CIT: variants seen among roughly 807,000 people sequenced by gnomAD.
CIT encodes citron rho-interacting serine/threonine kinase, also known as citron Rho-interacting kinase.
CIT carries 79 observed loss-of-function variants against 272.7 expected under a neutral mutation model. That is an observed-to-expected ratio of 0.29 (90% CI 0.24 to 0.35). The LOEUF is 0.35. CIT is among the 10% of genes least tolerant of loss of function. CIT has a pLI of 1.00. For missense variants in CIT, 1,909 were observed against 2,618.3 expected, an observed-to-expected ratio of 0.73 and a Z score of 5.91; for synonymous variants, 948 against 995.6, an observed-to-expected ratio of 0.95 and a Z score of 0.90.
At chr12:119,699,384 C>G (rs1050455497) in intron 44 of CIT, among the ~76,000 whole-genome samples, 2 of 151,952 alleles carry the variant, frequency 1.3e-5, no homozygotes, top group Non-Finnish European at 2.9e-5. Flanking sequence ...CTAGAGCACA[C>G]AGGACTGGAA....
intron 20 of CIT, among the ~76,000 whole-genome samples, chr12:119,760,415 C>A (rs1166272663): frequency 6.6e-6 from 1 of 151,870 alleles, no homozygotes; most frequent in Admixed American, 6.6e-5. Flanking sequence ...TTGCTTGAGG[C>A]CAGAAGTTTG....
chr12:119,792,629 C>A (rs760323650), intron 10 of CIT, among the ~76,000 whole-genome samples: 5 of 151,980 alleles, frequency 3.3e-5, no homozygotes, highest in Non-Finnish European at 7.4e-5. Context: ...GCCACTGTAC[C>A]CAGCTAATTT....
At chr12:119,759,427 C>T (rs1326378657) in intron 20 of CIT, among the ~76,000 whole-genome samples, 1 of 152,174 alleles carries the variant, frequency 6.6e-6, no homozygotes, top group African/African-American at 2.4e-5. Flanking sequence ...AGGTGGGTCA[C>T]CTGAGGTCAG....
At chr12:119,779,086 G>A (rs1448880335) in intron 13 of CIT, among the ~76,000 whole-genome samples, 1 of 152,122 alleles carries the variant, frequency 6.6e-6, no homozygotes, top group African/African-American at 2.4e-5. Context: ...CAGACATGGT[G>A]GTGAGCACCT....
intron 13 of CIT, among the ~76,000 whole-genome samples, chr12:119,777,900 C>A (rs890792892): frequency 3.9e-5 from 6 of 152,170 alleles, no homozygotes; most frequent in Non-Finnish European, 1.5e-5. Flanking sequence ...AAGTCATGTG[C>A]TCCTAACACA....
At chr12:119,737,967 G>A (rs1000739466) in intron 24 of CIT, among the ~76,000 whole-genome samples, 2 of 152,086 alleles carry the variant, frequency 1.3e-5, no homozygotes, top group African/African-American at 4.8e-5. Flanking sequence ...TATGACATAG[G>A]CAGTAAATTA....
At chr12:119,872,277 C>T (rs1043933191) in intron 2 of CIT, among the ~76,000 whole-genome samples, 1 of 151,920 alleles carries the variant, frequency 6.6e-6, no homozygotes, top group African/African-American at 2.4e-5. Context: ...CCTGTGTCTA[C>T]CCAGCAATTT....
chr12:119,817,103 T>C (rs76644170), intron 9 of CIT, among the ~76,000 whole-genome samples: 2,698 of 152,270 alleles, frequency 0.018, 36 homozygotes, highest in Non-Finnish European at 0.02. Context: ...CGATCCAACA[T>C]TGTCCTTTCC....
At chr12:119,815,066 G>A (rs1182807) in intron 9 of CIT, among the ~76,000 whole-genome samples, 94,744 of 136,210 alleles carry the variant, frequency 0.7, 33,281 homozygotes, top group East Asian at 0.85. Context: ...GGCCCAAAAC[G>A]AATATGTGCG....
chr12:119,752,177 T>C lies in CIT; in HGVS notation c.2777A>G (p.Gln926Arg). Residue 926 changes from glutamine to arginine, a missense_variant, in exon 23 of 48, where the codon CAG becomes CGG. Around this residue, in one of 8 missense-constraint regions of CIT, gnomAD observed 530 missense variants for 822.4 expected, o/e 0.64. Coordinates refer to ENST00000392521, the MANE Select transcript of CIT (RefSeq NM_001206999.2). ...RQLTELQLSL[Q>R]ERESQLTALQ... is the part of the protein sequence containing the mutation. ...GGCTGTCAACTGTGACTCGCGCTCC[T>C]GCAGGGAGAGCTGTAGCTCTGTGAG... The C allele has an allele frequency of 6.2e-7, 1 of 1,612,420 alleles. No homozygotes were observed. Among genetic ancestry groups the C allele is most frequent in the Non-Finnish European group, 8.5e-7 (1 of 1,179,990 alleles).
chr12:119,769,075 CT>C (rs10719345), intron 18 of CIT, among the ~76,000 whole-genome samples: 110,412 of 142,528 alleles, frequency 0.77, 43,117 homozygotes, highest in African/African-American at 0.88. Context: ...GATAATCATC[CT>C]TTTTTTTTTT....
chr12:119,791,217 A>G (rs1271929053), intron 10 of CIT, among the ~76,000 whole-genome samples: 1 of 152,174 alleles, frequency 6.6e-6, no homozygotes, highest in Non-Finnish European at 1.5e-5. Context: ...GACACACTCA[A>G]GAAAAGTGCT....
At position 119,688,121 on chromosome 12, in the gene CIT, C is replaced by A; in HGVS notation, c.*111G>T. 1 of 1,226,560 alleles carries A rather than the reference C, an allele frequency of 8.2e-7. No homozygotes were observed. The highest frequency in any genetic ancestry group is 1.2e-6 in the Non-Finnish European group (1 of 829,964). 76.0% of individuals were successfully genotyped at this position (1,226,560 alleles called of 1,614,324 possible). On this transcript the variant is annotated 3_prime_UTR_variant, in exon 48 of 48. Transcript: ENST00000392521. ...CGAGGTGGGTCTGGGCCCCGCTGAG[C>A]CAGAGGGTGGCTGAGCACGTGGGCG...
chr12:119,814,866 T>C (rs1165545839), intron 9 of CIT, among the ~76,000 whole-genome samples: 2 of 151,066 alleles, frequency 1.3e-5, no homozygotes, highest in African/African-American at 4.9e-5. Flanking sequence ...GTGAAACCCG[T>C]CTCTACTAAA....
intron 24 of CIT, among the ~76,000 whole-genome samples, chr12:119,738,885 A>G (rs558061312): frequency 3.9e-4 from 19 of 49,172 alleles, no homozygotes; most frequent in African/African-American, 1.6e-3. Flanking sequence ...CTCAATCTCC[A>G]GAAAAAAAAA....
intron 40 of CIT, among the ~76,000 whole-genome samples, chr12:119,705,793 A>G (rs1956845155): frequency 7.2e-6 from 1 of 139,520 alleles, no homozygotes; most frequent in African/African-American, 3.1e-5. Flanking sequence ...AAAAAAAAAA[A>G]AAAAAAAAAA....
chr12:119,722,409 C>T (rs887360732), intron 28 of CIT, among the ~76,000 whole-genome samples: 19 of 152,278 alleles, frequency 1.2e-4, no homozygotes, highest in Middle Eastern at 3.4e-3. Context: ...TGGCAGCCCC[C>T]AAACTCCTCC....
chr12:119,718,463 A>T lies in CIT; in HGVS notation c.4004-54T>A. ...GGTTAGCTGGGTCGCCTAGAGGACCAAACTAAGCCGAATGTCCCTGGGCTA... is the reference window on the plus strand; with the variant it reads ...GGTTAGCTGGGTCGCCTAGAGGACCTAACTAAGCCGAATGTCCCTGGGCTA... On this transcript the variant is annotated intron_variant, in intron 31 of 47. Coordinates refer to ENST00000392521, the MANE Select transcript of CIT (RefSeq NM_001206999.2). The surrounding 1 kb of genome is among the most constrained non-coding windows in gnomAD (Gnocchi z 4.8). The T allele has an allele frequency of 6.4e-7, 1 of 1,555,890 alleles. No homozygotes were observed.
intron 7 of CIT, among the ~76,000 whole-genome samples, chr12:119,828,302 A>T (rs1270666860): frequency 6.6e-6 from 1 of 152,260 alleles, no homozygotes; most frequent in African/African-American, 2.4e-5. Context: ...CAAATCTCTA[A>T]GTGTGTAATA....
Sources: gnomAD v4.1 joint callset for allele counts (sites outside exome capture counted in the v4.1 genomes callset) on GRCh38, gnomAD v4.1.1 for gene constraint, gnomAD v4.1.1 regional missense constraint, Gnocchi (gnomAD v3.1) non-coding constraint, MANE v1.5 for transcripts, NCBI Gene and HGNC (gene_info 2026-07-23, HGNC 2026-07-21) for gene names.